KDM4C: variants seen among roughly 807,000 people sequenced by gnomAD.
The protein encoded by KDM4C is lysine demethylase 4C.
In KDM4C, 81 loss-of-function variants were observed where a neutral mutation model predicts 129.3. The observed-to-expected ratio is 0.63, with a 90% CI of 0.52 to 0.75. KDM4C has a LOEUF of 0.75. KDM4C is among the 30% of genes least tolerant of loss of function. The probability of loss-of-function intolerance (pLI) is 0.00; values close to 1 mark genes in which losing one functional copy is unlikely to be tolerated. For synonymous variants in KDM4C, 573 were observed against 456.1 expected (o/e 1.26, Z -3.26); for missense variants, 1,457 against 1,304.0 (o/e 1.12, Z -1.81).
chr9:6,751,626 A>C (rs1054283742), intron 1 of KDM4C, among the ~76,000 whole-genome samples: 5 of 152,176 alleles, frequency 3.3e-5, no homozygotes, highest in Admixed American at 6.6e-5. Context: ...TATTAACATT[A>C]GTTCAAGAAG....
chr9:6,854,645 A>G lies in KDM4C; in HGVS notation c.629+4945A>G, dbSNP rs376362051. On this transcript the variant is annotated intron_variant, in intron 5 of 21. Transcript: ENST00000381309. ...CTGTGAAAAGGTCTAAAATCAGGAA[A>G]GGTTTTCCTGAAGGTTTTTAGAAAA... is the stretch of plus-strand genomic sequence containing the variant. Among the ~76,000 whole-genome samples, 10 of 152,292 alleles carry G rather than the reference A, an allele frequency of 6.6e-5. No individual in the cohort carries two copies. The South Asian group carries it at 2.1e-3, about 32-fold the overall frequency.
At chr9:7,109,110 A>G (rs1838028741) in intron 18 of KDM4C, among the ~76,000 whole-genome samples, 1 of 152,196 alleles carries the variant, frequency 6.6e-6, no homozygotes, top group African/African-American at 2.4e-5. Context: ...CTATCATAAC[A>G]AAACTTCCCC....
At chr9:6,842,867 G>A (rs1564140528) in intron 4 of KDM4C, among the ~76,000 whole-genome samples, 2 of 152,140 alleles carry the variant, frequency 1.3e-5, no homozygotes, top group Admixed American at 6.5e-5. Context: ...GGGCACCTGA[G>A]TTTGTAAGTC....
At chr9:7,075,652 C>T (rs928065727) in intron 17 of KDM4C, among the ~76,000 whole-genome samples, 3 of 152,106 alleles carry the variant, frequency 2.0e-5, no homozygotes, top group Non-Finnish European at 4.4e-5. Context: ...TTGAACCTTC[C>T]AGCCAGCAAA....
At chr9:6,812,339 T>G (rs1322510616) in intron 3 of KDM4C, among the ~76,000 whole-genome samples, 2 of 152,224 alleles carry the variant, frequency 1.3e-5, no homozygotes, top group Non-Finnish European at 2.9e-5. Flanking sequence ...CTTGGAGGTT[T>G]CTGTAGAAGT....
rs111245812 is a variant in KDM4C at position 6,887,812 on chromosome 9, G to T, written c.680-148G>T. ...TTTTAAGAATTCTAACTCTGACTCT[G>T]AGTTTTAGTACAAGGGCTTTTTGGC... is the stretch of plus-strand genomic sequence containing the variant. On this transcript the variant is annotated intron_variant, in intron 6 of 21. Transcript: ENST00000381309. 9.6e-6 allele frequency: 5 copies of T among 522,138 alleles called. No individual in the cohort carries two copies. The East Asian group carries it at 1.7e-4, about 18-fold the overall frequency. 32.3% of individuals were successfully genotyped at this position (522,138 alleles called of 1,614,324 possible).
chr9:7,045,076 G>T (rs560096625), intron 15 of KDM4C, among the ~76,000 whole-genome samples: 2 of 151,974 alleles, frequency 1.3e-5, no homozygotes, highest in Non-Finnish European at 2.9e-5. Flanking sequence ...TGATGGTGGA[G>T]AATCTTAAAA....
chr9:6,800,400 G>A (rs1014315671), intron 2 of KDM4C, among the ~76,000 whole-genome samples: 2 of 151,262 alleles, frequency 1.3e-5, no homozygotes, highest in Non-Finnish European at 3.0e-5. Context: ...TTAACTGAGC[G>A]TAGGAGCATG....
chr9:7,015,334 A>G (rs950862185), intron 14 of KDM4C, among the ~76,000 whole-genome samples: 2 of 152,194 alleles, frequency 1.3e-5, no homozygotes, highest in African/African-American at 4.8e-5. Context: ...GTATATTTGC[A>G]TCATCAGCCA....
chr9:6,957,718 A>G (rs976192105), intron 8 of KDM4C, among the ~76,000 whole-genome samples: 2 of 152,104 alleles, frequency 1.3e-5, no homozygotes, highest in African/African-American at 4.8e-5. Flanking sequence ...AGCAGGAGCC[A>G]TGTCAAGCCA....
intron 1 of KDM4C, among the ~76,000 whole-genome samples, chr9:6,745,199 T>C (rs538084387): frequency 1.8e-4 from 28 of 152,330 alleles, no homozygotes; most frequent in African/African-American, 6.5e-4. Flanking sequence ...GTTATGATAA[T>C]GTTCCCTCCA....
chr9:6,988,655 G>GTCAT (rs55955234), intron 11 of KDM4C, among the ~76,000 whole-genome samples: 20,099 of 149,074 alleles, frequency 0.13, 1,493 homozygotes, highest in East Asian at 0.22. Context: ...ATTTTTTAAA[G>GTCAT]CCATCCATCC....
rs149161406 is a variant in KDM4C, at chr9:7,052,205, G to A, written c.2424+3005G>A. On this transcript the variant is annotated intron_variant, in intron 17 of 21. Coordinates refer to ENST00000381309, the MANE Select transcript of KDM4C (RefSeq NM_015061.6). ...TTTGTTAGCAAAGCAATAAAGTCTG[G>A]TAACATGTGCATATCAGCTACTATA... 2.1e-3 allele frequency among the ~76,000 whole-genome samples: 322 copies of A among 152,152 alleles called. 1 individual carries two copies. Among genetic ancestry groups the A allele is most frequent in the Admixed American group, 6.5e-3 (99 of 15,282 alleles).
intron 1 of KDM4C, among the ~76,000 whole-genome samples, chr9:6,741,151 A>G (rs976782189): frequency 5.9e-5 from 9 of 152,002 alleles, no homozygotes; most frequent in Admixed American, 2.0e-4. Context: ...TAATCCCAGC[A>G]TTTTGGGAGG....
chr9:6,963,079 C>T (rs1830295812), intron 8 of KDM4C, among the ~76,000 whole-genome samples: 1 of 152,158 alleles, frequency 6.6e-6, no homozygotes, highest in Non-Finnish European at 1.5e-5. Flanking sequence ...CTTAATCTTT[C>T]TGTGCATTGG....
At chr9:6,833,338 T>TA (rs940847035) in intron 4 of KDM4C, among the ~76,000 whole-genome samples, 1 of 151,978 alleles carries the variant, frequency 6.6e-6, no homozygotes, top group Non-Finnish European at 1.5e-5. Context: ...GGGAGTCTTT[T>TA]AAAAAAAATA....
rs981161369 is a variant in KDM4C, at chr9:6,758,581, G to A, written c.-18+378G>A. Among the ~76,000 whole-genome samples, 1 of 152,214 alleles carries A rather than the reference G, an allele frequency of 6.6e-6. No individual in the cohort carries two copies. Among genetic ancestry groups the A allele is most frequent in the African/African-American group, 2.4e-5 (1 of 41,456 alleles). Reference sequence around the variant, plus strand: ...CTGTGGCGGACTCCAGGAAGGCCGGGCCTGGTGCACCCCTCGGGGCCCTCC... The same window carrying A: ...CTGTGGCGGACTCCAGGAAGGCCGGACCTGGTGCACCCCTCGGGGCCCTCC... On this transcript the variant is annotated intron_variant, in intron 1 of 21. Coordinates refer to ENST00000381309, the MANE Select transcript of KDM4C (RefSeq NM_015061.6). The surrounding 1 kb of genome is among the most constrained non-coding windows in gnomAD (Gnocchi z 4.6).
chr9:6,847,685 C>A (rs111476702), intron 4 of KDM4C, among the ~76,000 whole-genome samples: 1 of 151,990 alleles, frequency 6.6e-6, no homozygotes, highest in Non-Finnish European at 1.5e-5. Flanking sequence ...TCTCCGCGCC[C>A]GGCCGGATCT....
intron 3 of KDM4C, among the ~76,000 whole-genome samples, chr9:6,812,645 C>T (rs1030615616): frequency 6.6e-5 from 10 of 152,284 alleles, no homozygotes; most frequent in African/African-American, 2.4e-4. Context: ...CAGTAATGCT[C>T]ACCTGCCACT....
Sources: gnomAD v4.1 joint callset for allele counts (sites outside exome capture counted in the v4.1 genomes callset) on GRCh38, gnomAD v4.1.1 for gene constraint, Gnocchi (gnomAD v3.1) non-coding constraint, MANE v1.5 for transcripts, NCBI Gene and HGNC (gene_info 2026-07-23, HGNC 2026-07-21) for gene names.